Variants in POLR3A observed in about 807,000 individuals in gnomAD.
POLR3A encodes RNA polymerase III subunit A, also known as DNA-directed RNA polymerase III subunit RPC1.
A neutral mutation model predicts 152.8 loss-of-function variants in POLR3A; 112 were observed. The ratio of observed to expected loss-of-function variants is 0.73; its 90% CI spans 0.63 to 0.86. The LOEUF is 0.86. POLR3A is among the 40% of genes least tolerant of loss of function. The pLI is 0.00. For missense variants in POLR3A, 1,385 were observed against 1,743.1 expected, an observed-to-expected ratio of 0.79 and a Z score of 3.66; for synonymous variants, 615 against 652.1, an observed-to-expected ratio of 0.94 and a Z score of 0.87.
rs757779704 is a variant in POLR3A at position 78,009,677 on chromosome 10, T to A, written c.1771-2A>T. On this transcript the variant is annotated splice_acceptor_variant, in intron 13 of 30. Transcript: ENST00000372371. LOFTEE classifies it high-confidence loss of function. ...CTTTCCCGTCCACAGGGTGACAGGC[T>A]GAGGGGGGGAGGAAGCCTGAGAGTC... 1.2e-6 allele frequency: 2 copies of A among 1,614,114 alleles called. No individual in the cohort carries two copies. The highest frequency in any genetic ancestry group is 1.7e-5 in the Admixed American group (1 of 60,008).
chr10:78,004,564 G>T, intron 16 of POLR3A, 152 bp downstream of exon 16: 2 of 670,152 alleles, frequency 3.0e-6, no homozygotes, highest in Non-Finnish European at 5.3e-6. Flanking sequence ...GACATACACA[G>T]TGAGCCCTGG....
intron 10 of POLR3A, among the ~76,000 whole-genome samples, chr10:78,015,545 C>T (rs1421819790): frequency 6.6e-6 from 1 of 152,094 alleles, no homozygotes; most frequent in Non-Finnish European, 1.5e-5. Flanking sequence ...CCAGGCTGGT[C>T]TCGAACTCCT....
intron 26 of POLR3A, 40 bp from the exon 27 acceptor site, chr10:77,982,857 T>C (rs769727794): frequency 1.2e-6 from 2 of 1,600,150 alleles, no homozygotes; most frequent in East Asian, 4.5e-5. Context: ...GATTCCAGTG[T>C]TGTTCTTCGT....
chr10:78,025,506 T>C lies in POLR3A; in HGVS notation c.318+116A>G, dbSNP rs529973160. Reference sequence around the variant, plus strand: ...TGAGATGAAAATATTATGTACTTAGTATAAAAGAGTCCCCTAGATGTATCC... The same window carrying C: ...TGAGATGAAAATATTATGTACTTAGCATAAAAGAGTCCCCTAGATGTATCC... On this transcript the variant is annotated intron_variant, in intron 3 of 30. Transcript: ENST00000372371. 137 of 941,798 alleles carry C rather than the reference T, an allele frequency of 1.5e-4. No homozygotes were observed. The African/African-American group carries it at 2.0e-3, about 14-fold the overall frequency. 58.3% of individuals were successfully genotyped at this position (941,798 alleles called of 1,614,324 possible).
intron 16 of POLR3A, 22 bp from the exon 17 acceptor site, chr10:78,002,330 C>G (rs1847365473): frequency 7.0e-7 from 1 of 1,431,278 alleles, no homozygotes; most frequent in Non-Finnish European, 9.7e-7. Flanking sequence ...AAAGGAGATC[C>G]TTGGTGGGTT....
At chr10:78,025,473 A>C (rs1050328456) in intron 3 of POLR3A, 149 bp downstream of exon 3, 20 of 785,300 alleles carry the variant, frequency 2.5e-5, no homozygotes, top group East Asian at 5.3e-5. Context: ...GAGTGATTTA[A>C]CGTAGTGTGA....
intron 14 of POLR3A, among the ~76,000 whole-genome samples, chr10:78,008,246 A>G (rs749507036): frequency 6.6e-6 from 1 of 152,236 alleles, no homozygotes; most frequent in Non-Finnish European, 1.5e-5. Flanking sequence ...TGTTACTCAT[A>G]TAAGATATTA....
chr10:77,987,947 C>T (rs1215204321), intron 21 of POLR3A, among the ~76,000 whole-genome samples: 2 of 152,226 alleles, frequency 1.3e-5, no homozygotes, highest in African/African-American at 4.8e-5. Context: ...AACCACTCCA[C>T]GAAGTCAGAT....
Position 78,024,643 on chromosome 10 carries a change from T to A in POLR3A, c.551A>T (p.Lys184Ile). 6.2e-7 allele frequency: 1 copy of A among 1,613,856 alleles called. No individual in the cohort carries two copies. Among genetic ancestry groups the A allele is most frequent in the Non-Finnish European group, 8.5e-7 (1 of 1,179,720 alleles). Reference protein sequence around the residue: ...IIHEKYKTNKKVVDPIVSNFL... With the variant: ...IIHEKYKTNKIVVDPIVSNFL... ...ATTTGATACAATGGGATCCACCACT[T>A]TTTTGTTGGTCTTGTATTTCTCATG... Residue 184 changes from lysine (K) to isoleucine (I), a missense_variant, in exon 5 of 31, where the codon AAA becomes ATA. Coordinates refer to ENST00000372371, the MANE Select transcript of POLR3A (RefSeq NM_007055.4).
intron 1 of POLR3A, among the ~76,000 whole-genome samples, chr10:78,027,938 T>C (rs1847653003): frequency 1.3e-5 from 2 of 152,190 alleles, no homozygotes; most frequent in African/African-American, 4.8e-5. Context: ...GAATGTATTA[T>C]ATCTGACTGG....
intron 9 of POLR3A, among the ~76,000 whole-genome samples, chr10:78,018,159 G>C (rs1019979717): frequency 1.4e-5 from 2 of 138,184 alleles, no homozygotes; most frequent in Non-Finnish European, 3.1e-5. Context: ...CTGAGTGACA[G>C]ACTGAGACAT....
intron 11 of POLR3A, among the ~76,000 whole-genome samples, chr10:78,011,707 T>C (rs542976445): frequency 6.6e-6 from 1 of 152,304 alleles, no homozygotes; most frequent in South Asian, 2.1e-4. Context: ...GGGCTGAGAT[T>C]AGTGTATTTT....
At chr10:78,016,635 A>G (rs1847526762) in intron 10 of POLR3A, among the ~76,000 whole-genome samples, 1 of 151,136 alleles carries the variant, frequency 6.6e-6, no homozygotes, top group African/African-American at 2.4e-5. Flanking sequence ...ACTCACTTGA[A>G]CCTGGGAGGC....
chr10:77,980,284 G>A lies in POLR3A; in HGVS notation c.3892-11C>T, dbSNP rs1312212627. The A allele has an allele frequency of 6.8e-6, 11 of 1,613,778 alleles. No homozygotes were observed. Among genetic ancestry groups the A allele is most frequent in the African/African-American group, 1.3e-5 (1 of 74,888 alleles). ...GCCCAGGACTTCACCCTGCGTCAAG[G>A]GAGAAAGAGTCACGGTGGTACTCAC... On this transcript the variant is annotated splice_polypyrimidine_tract_variant and intron_variant, in intron 29 of 30. Transcript: ENST00000372371.
intron 1 of POLR3A, among the ~76,000 whole-genome samples, chr10:78,027,951 G>A (rs1402228972): frequency 2.6e-5 from 4 of 152,142 alleles, no homozygotes; most frequent in African/African-American, 4.8e-5. Context: ...CTGACTGGGC[G>A]CAGGTGTACA....
At chr10:78,001,220 T>C (rs1265083318) in intron 17 of POLR3A, 126 bp from the exon 18 acceptor site, 5 of 625,800 alleles carry the variant, frequency 8.0e-6, no homozygotes, top group South Asian at 3.0e-5. Context: ...CCTGGAACAG[T>C]AGAAGACAGA....
At chr10:78,017,512 T>A (rs994676334) in intron 10 of POLR3A, 63 bp downstream of exon 10, 1 of 1,506,152 alleles carries the variant, frequency 6.6e-7, no homozygotes, top group Non-Finnish European at 9.2e-7. Context: ...GTCCACTGTT[T>A]AGCACTGAAC....
intron 30 of POLR3A, among the ~76,000 whole-genome samples, chr10:77,979,888 TTG>T (rs1234134483): frequency 6.6e-6 from 1 of 152,150 alleles, no homozygotes; most frequent in Non-Finnish European, 1.5e-5. Flanking sequence ...GGGTTGCTCT[TTG>T]CTTCGTGGAC....
At chr10:77,983,848 G>T in intron 26 of POLR3A, 72 bp downstream of exon 26, 2 of 915,592 alleles carry the variant, frequency 2.2e-6, no homozygotes, top group Non-Finnish European at 3.6e-6. Flanking sequence ...CTTAGCTCTT[G>T]CCCTAGTTTA....
Sources: gnomAD v4.1 joint callset for allele counts (sites outside exome capture counted in the v4.1 genomes callset) on GRCh38, gnomAD v4.1.1 for gene constraint, MANE v1.5 for transcripts, NCBI Gene and HGNC (gene_info 2026-07-23, HGNC 2026-07-21) for gene names.